Variants in NRG1 observed in about 807,000 individuals in gnomAD.
The protein encoded by NRG1 is pro-neuregulin-1, membrane-bound isoform.
Under a neutral mutation model 63.8 loss-of-function variants are expected in NRG1, and 18 were observed. That is an observed-to-expected ratio of 0.28 (90% CI 0.19 to 0.42). NRG1 has a LOEUF of 0.42. Ranked by LOEUF, NRG1 falls within the 10% of genes least tolerant of loss-of-function variation. The probability of loss-of-function intolerance (pLI) is 1.00; values close to 1 mark genes in which losing one functional copy is unlikely to be tolerated. For missense variants in NRG1, 762 were observed against 814.7 expected (o/e 0.94, Z 0.79); for synonymous variants, 302 against 301.3 (o/e 1.00, Z -0.02).
chr8:32,083,251 C>T (rs1367690803), intron 1 of NRG1, among the ~76,000 whole-genome samples: 2 of 152,146 alleles, frequency 1.3e-5, no homozygotes, highest in African/African-American at 4.8e-5. Context: ...ACAGAAAATT[C>T]CTGAAGCATC....
chr8:32,267,181 G>A (rs1272722407), intron 1 of NRG1, among the ~76,000 whole-genome samples: 1 of 144,590 alleles, frequency 6.9e-6, no homozygotes, highest in African/African-American at 2.7e-5. Flanking sequence ...AGGAAGGAAG[G>A]AGAAAGAAGG....
chr8:31,937,740 G>A (rs1288113938), intron 1 of NRG1, among the ~76,000 whole-genome samples: 1 of 152,144 alleles, frequency 6.6e-6, no homozygotes, highest in African/African-American at 2.4e-5. Flanking sequence ...GCCTGTGATT[G>A]CTGGCTTTCC....
At chr8:32,724,625 A>G (rs1162575777) in intron 5 of NRG1, among the ~76,000 whole-genome samples, 1 of 152,122 alleles carries the variant, frequency 6.6e-6, no homozygotes, top group Non-Finnish European at 1.5e-5. Context: ...GAAAATCACC[A>G]TCTCCATCCC....
chr8:32,078,496 G>A (rs138420602), intron 1 of NRG1, among the ~76,000 whole-genome samples: 126 of 152,196 alleles, frequency 8.3e-4, no homozygotes, highest in Middle Eastern at 6.8e-3. Flanking sequence ...GGCAAATACC[G>A]GAGCAACAGA....
chr8:32,605,814 A>G lies in NRG1; in HGVS notation c.400+131A>G, dbSNP rs561578746. 4 of 1,050,838 alleles carry G rather than the reference A, an allele frequency of 3.8e-6. No homozygotes were observed. In the East Asian group the frequency reaches 1.0e-4, roughly 27 times the overall value. 65.1% of individuals were successfully genotyped at this position (1,050,838 alleles called of 1,614,324 possible). On this transcript the variant is annotated intron_variant, in intron 3 of 11. Transcript: ENST00000356819. ...ATTAAAAACAGAGAAAGAAAACCAG[A>G]TGTTTCAAGGATCTTGTATGTCTTT...
chr8:32,362,985 C>T (rs1056906502), intron 1 of NRG1, among the ~76,000 whole-genome samples: 9 of 152,172 alleles, frequency 5.9e-5, no homozygotes, highest in African/African-American at 2.2e-4. Context: ...TGCACGTGCC[C>T]TGTGCAAGGC....
At chr8:32,366,098 G>T (rs547390615) in intron 1 of NRG1, among the ~76,000 whole-genome samples, 1 of 152,248 alleles carries the variant, frequency 6.6e-6, no homozygotes, top group Non-Finnish European at 1.5e-5. Context: ...TTTCTAATTA[G>T]ATTAGAATGT....
chr8:32,022,491 T>C (rs1816606857), intron 1 of NRG1, among the ~76,000 whole-genome samples: 1 of 152,146 alleles, frequency 6.6e-6, no homozygotes, highest in Admixed American at 6.5e-5. Flanking sequence ...AAATCTAGTA[T>C]CAGAGAGCTC....
At chr8:31,651,897 C>T (rs563479134) in intron 1 of NRG1, among the ~76,000 whole-genome samples, 1 of 152,236 alleles carries the variant, frequency 6.6e-6, no homozygotes, top group Non-Finnish European at 1.5e-5. Flanking sequence ...TAGCCCAGAC[C>T]TTTCTTTTTG....
chr8:32,722,133 TAG>T, intron 5 of NRG1: 5 of 1,088,612 alleles, frequency 4.6e-6, no homozygotes, highest in Non-Finnish European at 5.3e-6. Flanking sequence ...GCAAATGGCG[TAG>T]AGTTATTTGG....
At chr8:31,714,717 C>A (rs78791971) in intron 1 of NRG1, among the ~76,000 whole-genome samples, 1 of 152,116 alleles carries the variant, frequency 6.6e-6, no homozygotes, top group Non-Finnish European at 1.5e-5. Context: ...TGTCTATCAC[C>A]TTATCTAGTA....
At chr8:32,077,009 A>G (rs1010769634) in intron 1 of NRG1, among the ~76,000 whole-genome samples, 4 of 152,154 alleles carry the variant, frequency 2.6e-5, no homozygotes, top group East Asian at 1.9e-4. Flanking sequence ...CTCTATTTCA[A>G]CATTCTTCTC....
intron 5 of NRG1, chr8:32,647,979 C>G (rs1854029259): frequency 6.2e-7 from 1 of 1,614,072 alleles, no homozygotes; most frequent in Non-Finnish European, 8.5e-7. Context: ...CCTGGTCAGC[C>G]TCTGCCTCTG....
intron 1 of NRG1, among the ~76,000 whole-genome samples, chr8:32,338,234 C>T (rs1192133012): frequency 6.6e-6 from 1 of 152,162 alleles, no homozygotes; most frequent in African/African-American, 2.4e-5. Context: ...GAATAAATAA[C>T]GTCTTTGCCT....
intron 1 of NRG1, among the ~76,000 whole-genome samples, chr8:31,919,572 A>T (rs971638362): frequency 2.0e-5 from 3 of 152,156 alleles, no homozygotes; most frequent in African/African-American, 7.2e-5. Flanking sequence ...AGCTGTTAAA[A>T]TTTGACATAT....
chr8:32,144,446 C>T (rs1836648081), intron 1 of NRG1, among the ~76,000 whole-genome samples: 1 of 151,934 alleles, frequency 6.6e-6, no homozygotes, highest in African/African-American at 2.4e-5. Context: ...TAGCACTAGC[C>T]AGAAATTCTT....
chr8:31,801,001 C>G (rs527548603), intron 1 of NRG1, among the ~76,000 whole-genome samples: 1 of 108,928 alleles, frequency 9.2e-6, no homozygotes, highest in Non-Finnish European at 1.9e-5. Context: ...ACACCACGCC[C>G]GCCAATTTTT....
At chr8:32,408,925 T>C (rs906352627) in intron 1 of NRG1, among the ~76,000 whole-genome samples, 4 of 152,112 alleles carry the variant, frequency 2.6e-5, no homozygotes, top group Non-Finnish European at 5.9e-5. Flanking sequence ...ATGTCTATTA[T>C]TCCACCCTCT....
At chr8:31,994,841 G>C (rs1158498147) in intron 1 of NRG1, among the ~76,000 whole-genome samples, 1 of 151,860 alleles carries the variant, frequency 6.6e-6, no homozygotes, top group African/African-American at 2.4e-5. Context: ...TTTCTTTACA[G>C]CTGGGAAGGC....
Sources: allele counts gnomAD v4.1 joint callset (sites outside exome capture counted in the v4.1 genomes callset), GRCh38; gene constraint gnomAD v4.1.1; transcripts MANE v1.5; gene names NCBI Gene and HGNC (gene_info 2026-07-23, HGNC 2026-07-21).